MAGI2: variants seen among roughly 807,000 people sequenced by gnomAD.
The protein encoded by MAGI2 is membrane associated guanylate kinase, WW and PDZ domain containing 2, also known as membrane-associated guanylate kinase, WW and PDZ domain-containing protein 2.
A neutral mutation model predicts 133.3 loss-of-function variants in MAGI2; 35 were observed. The ratio of observed to expected loss-of-function variants is 0.26; its 90% CI spans 0.20 to 0.35. The LOEUF is 0.35. Among genes scored for constraint, MAGI2 ranks in the 10% least tolerant of loss-of-function variants. MAGI2 has a pLI of 1.00. For synonymous variants in MAGI2, 729 were observed against 710.6 expected, an observed-to-expected ratio of 1.03 and a Z score of -0.41; for missense variants, 1,636 against 1,863.4, an observed-to-expected ratio of 0.88 and a Z score of 2.25.
chr7:78,596,433 A>C (rs1343939498), intron 3 of MAGI2, among the ~76,000 whole-genome samples: 1 of 152,208 alleles, frequency 6.6e-6, no homozygotes, highest in Non-Finnish European at 1.5e-5. Context: ...TCCTGAAGGA[A>C]AAAAACATGC....
chr7:79,368,437 T>G (rs888574872), intron 1 of MAGI2, among the ~76,000 whole-genome samples: 1 of 152,010 alleles, frequency 6.6e-6, no homozygotes, highest in Non-Finnish European at 1.5e-5. Context: ...GCAACATGAG[T>G]GGGTTAGTGT....
chr7:78,906,426 T>A (rs1371945082), intron 2 of MAGI2, among the ~76,000 whole-genome samples: 1 of 152,246 alleles, frequency 6.6e-6, no homozygotes, highest in Non-Finnish European at 1.5e-5. Flanking sequence ...TCTATCATCA[T>A]CCTTATTTAC....
At chr7:78,643,048 T>C (rs954890328) in intron 2 of MAGI2, among the ~76,000 whole-genome samples, 2 of 152,168 alleles carry the variant, frequency 1.3e-5, no homozygotes, top group African/African-American at 4.8e-5. Context: ...GAATCAAATA[T>C]CCTATGGCTA....
At chr7:79,212,107 T>C (rs2129552729) in intron 1 of MAGI2, among the ~76,000 whole-genome samples, 1 of 152,214 alleles carries the variant, frequency 6.6e-6, no homozygotes, top group Admixed American at 6.5e-5. Context: ...CCATATTTAT[T>C]TTACTTATTA....
intron 21 of MAGI2, among the ~76,000 whole-genome samples, chr7:78,076,230 G>C (rs1244114465): frequency 1.3e-5 from 2 of 151,950 alleles, no homozygotes; most frequent in Non-Finnish European, 2.9e-5. Context: ...GCTGAGATGG[G>C]CGGATTGTTC....
At chr7:79,332,188 G>T (rs896736083) in intron 1 of MAGI2, among the ~76,000 whole-genome samples, 4 of 152,132 alleles carry the variant, frequency 2.6e-5, no homozygotes, top group Non-Finnish European at 5.9e-5. Context: ...GCAAAAGCAG[G>T]TTCTCATACA....
intron 6 of MAGI2, among the ~76,000 whole-genome samples, chr7:78,462,130 T>G (rs911902736): frequency 2.0e-5 from 3 of 151,988 alleles, no homozygotes; most frequent in African/African-American, 7.2e-5. Flanking sequence ...TTGAAAAAAT[T>G]TACTTGAATG....
intron 2 of MAGI2, among the ~76,000 whole-genome samples, chr7:78,959,015 A>G (rs1313967005): frequency 6.6e-6 from 1 of 152,128 alleles, no homozygotes; most frequent in African/African-American, 2.4e-5. Context: ...ATACTGATCT[A>G]CAAACCAACC....
intron 1 of MAGI2, among the ~76,000 whole-genome samples, chr7:79,422,706 T>C (rs1383617699): frequency 2.0e-5 from 3 of 152,020 alleles, no homozygotes; most frequent in Non-Finnish European, 4.4e-5. Flanking sequence ...AGGAAGGTTT[T>C]TCTACTAACA....
chr7:79,257,916 A>G (rs1029666021), intron 1 of MAGI2, among the ~76,000 whole-genome samples: 8 of 152,040 alleles, frequency 5.3e-5, no homozygotes, highest in Admixed American at 1.3e-4. Context: ...TGAAACTTGG[A>G]ATATCAAAGA....
chr7:78,283,315 T>G (rs1398816176), intron 9 of MAGI2, among the ~76,000 whole-genome samples: 3 of 152,144 alleles, frequency 2.0e-5, no homozygotes, highest in African/African-American at 7.2e-5. Flanking sequence ...TGTTATTCTG[T>G]ATGACAGTCT....
intron 9 of MAGI2, among the ~76,000 whole-genome samples, chr7:78,281,884 CAA>C (rs60871451): frequency 6.4e-5 from 9 of 139,644 alleles, no homozygotes; most frequent in Admixed American, 1.4e-4. Flanking sequence ...AACTCCATCT[CAA>C]AAAAAAAAAA....
chr7:78,699,033 TAAAC>T (rs1817797807), intron 2 of MAGI2, among the ~76,000 whole-genome samples: 1 of 152,242 alleles, frequency 6.6e-6, no homozygotes, highest in Admixed American at 6.5e-5. Context: ...ATGATGGTGA[TAAAC>T]AATCACAGAT....
intron 1 of MAGI2, among the ~76,000 whole-genome samples, chr7:79,416,006 AT>A (rs1214345150): frequency 2.0e-5 from 3 of 152,190 alleles, no homozygotes; most frequent in Non-Finnish European, 2.9e-5. Flanking sequence ...AAAAGAGTCT[AT>A]TTGCTAATAC....
intron 10 of MAGI2, among the ~76,000 whole-genome samples, chr7:78,202,599 C>A (rs1409402820): frequency 7.1e-6 from 1 of 141,220 alleles, no homozygotes; most frequent in Admixed American, 8.0e-5. Context: ...AGGAGAATCG[C>A]TGGAACTCGG....
Position 79,057,889 on chromosome 7 carries a change from C to T in MAGI2, c.302-50683G>A, listed in dbSNP as rs1375255606. 4.0e-5 allele frequency among the ~76,000 whole-genome samples: 6 copies of T among 151,470 alleles called. No homozygotes were observed. In the South Asian group the frequency reaches 1.0e-3, roughly 26 times the overall value. On this transcript the variant is annotated intron_variant, in intron 1 of 21. Coordinates refer to ENST00000354212, the MANE Select transcript of MAGI2 (RefSeq NM_012301.4). ...ATCTCCACTTCCATTGCATTTTTTGCTAATCCCAAAATGGGCAGGTGACTG... is the reference window on the plus strand; with the variant it reads ...ATCTCCACTTCCATTGCATTTTTTGTTAATCCCAAAATGGGCAGGTGACTG...
intron 1 of MAGI2, among the ~76,000 whole-genome samples, chr7:79,205,091 A>G (rs1327899550): frequency 6.6e-6 from 1 of 151,968 alleles, no homozygotes; most frequent in Non-Finnish European, 1.5e-5. Context: ...CTTCCCAAAC[A>G]TGGAGAAAGA....
chr7:78,159,875 T>C lies in MAGI2; in HGVS notation c.2845+150A>G, dbSNP rs565571041. The C allele has an allele frequency of 1.1e-4, 106 of 990,472 alleles. 2 individuals carry two copies. The South Asian group carries it at 2.5e-3, about 24-fold the overall frequency. 61.4% of individuals were successfully genotyped at this position (990,472 alleles called of 1,614,324 possible). A position where few individuals can be genotyped will look rare whatever the true frequency, so the allele number is the denominator to read the frequency against. On this transcript the variant is annotated intron_variant, in intron 16 of 21. Transcript: ENST00000354212. ...AGTAACTGTCTGCTAGTCAGTGGTA[T>C]GGATGCCTTATTTGTGCCCACAGCC...
Position 78,501,653 on chromosome 7 carries a change from C to T in MAGI2, c.889G>A (p.Asp297Asn), listed in dbSNP as rs753445307. Residue 297 changes from aspartate to asparagine, a missense_variant, in exon 5 of 22, where the codon GAC becomes AAC. Coordinates refer to ENST00000354212, the MANE Select transcript of MAGI2 (RefSeq NM_012301.4). ...GGCAATGGGTCTGGTTCCTCATTGT[C>T]TTCAGGTTTAGTTGGCTTTGTGTCA... is the stretch of plus-strand genomic sequence containing the variant. Reference protein sequence around the residue: ...MDDTKPTKPEDNEEPDPLPDN... With the variant: ...MDDTKPTKPENNEEPDPLPDN... The T allele has an allele frequency of 7.4e-6, 12 of 1,614,136 alleles. No homozygotes were observed. The South Asian group carries it at 1.3e-4, about 18-fold the overall frequency.
Sources: allele counts gnomAD v4.1 joint callset (sites outside exome capture counted in the v4.1 genomes callset), GRCh38; gene constraint gnomAD v4.1.1; transcripts MANE v1.5; gene names NCBI Gene and HGNC (gene_info 2026-07-23, HGNC 2026-07-21).